The following FGF14 variants were observed in gnomAD, a reference collection of about 807,000 sequenced individuals.
FGF14 encodes fibroblast growth factor 14, also known as fibroblast growth factor homologous factor 4.
FGF14 carries 5 observed loss-of-function variants against 25.5 expected under a neutral mutation model. The ratio of observed to expected loss-of-function variants is 0.20; its 90% confidence interval spans 0.10 to 0.41. FGF14 has a LOEUF of 0.41. FGF14 is among the 10% of genes least tolerant of loss of function. FGF14 has a pLI of 1.00. For synonymous variants in FGF14, 138 were observed against 118.3 expected (o/e 1.17, Z -1.08); for missense variants, 222 against 320.1 (o/e 0.69, Z 2.34).
chr13:102,095,251 G>C (rs74108978), intron 1 of FGF14, among the ~76,000 whole-genome samples: 1 of 152,162 alleles, frequency 6.6e-6, no homozygotes, highest in East Asian at 1.9e-4. Context: ...AATGGATCTT[G>C]GAAAAATTCA....
At chr13:101,865,522 A>C (rs2044657722) in intron 3 of FGF14, among the ~76,000 whole-genome samples, 1 of 152,100 alleles carries the variant, frequency 6.6e-6, no homozygotes, top group Admixed American at 6.6e-5. Context: ...AGGACCACAA[A>C]AGAAATAACT....
chr13:102,338,607 C>G lies in FGF14; in HGVS notation c.208+62864G>C, dbSNP rs538447864. Among the ~76,000 whole-genome samples the G allele has an allele frequency of 3.9e-4, 59 of 152,102 alleles. 2 individuals are homozygous for G. The East Asian group carries it at 0.01, about 26-fold the overall frequency. ...TTAAAATAGAGAATAAAATAGGAAA[C>G]AAAAGTGAGAAACAAAACTGAAAAA... On this transcript the variant is annotated intron_variant, in intron 1 of 4. Coordinates refer to the FGF14 transcript ENST00000376131.
intron 3 of FGF14, among the ~76,000 whole-genome samples, chr13:101,788,899 TATATATATATAG>T (rs1311446378): frequency 0.037 from 1,746 of 47,114 alleles, 7 homozygotes; most frequent in Non-Finnish European, 0.057. Flanking sequence ...TATATATATA[TATATATATATAG>T]AGAGAGAGAG....
intron 1 of FGF14, among the ~76,000 whole-genome samples, chr13:102,011,783 G>A (rs752760976): frequency 6.6e-6 from 1 of 152,154 alleles, no homozygotes; most frequent in Non-Finnish European, 1.5e-5. Context: ...AGTGTTCTCT[G>A]CAACAATGTG....
intron 3 of FGF14, among the ~76,000 whole-genome samples, chr13:101,747,743 A>T (rs2036981483): frequency 6.6e-6 from 1 of 152,096 alleles, no homozygotes; most frequent in Non-Finnish European, 1.5e-5. Flanking sequence ...AAAGATTAAC[A>T]TGCAGAATCT....
chr13:102,351,169 T>C lies in FGF14; in HGVS notation c.208+50302A>G, dbSNP rs112590740. 6.6e-3 allele frequency among the ~76,000 whole-genome samples: 1,009 copies of C among 152,280 alleles called. 10 individuals carry two copies. The highest frequency in any genetic ancestry group is 0.023 in the African/African-American group (969 of 41,538). On this transcript the variant is annotated intron_variant, in intron 1 of 4. Coordinates refer to the FGF14 transcript ENST00000376131. ...CTTCCTCCTTCTGAATCTCTCATTA[T>C]ATTTCTTTCCTATGTGAATCAAAAA...
intron 1 of FGF14, among the ~76,000 whole-genome samples, chr13:101,914,919 T>C (rs952536111): frequency 6.6e-5 from 10 of 152,186 alleles, no homozygotes; most frequent in Non-Finnish European, 1.5e-5. Flanking sequence ...TGATCCTCCG[T>C]CTATCAACGG....
intron 1 of FGF14, among the ~76,000 whole-genome samples, chr13:102,129,549 G>T (rs560377486): frequency 6.6e-6 from 1 of 152,232 alleles, no homozygotes; most frequent in African/African-American, 2.4e-5. Context: ...TATATTACAT[G>T]AGTATTTCCC....
chr13:102,188,292 A>G (rs1309107747), intron 1 of FGF14, among the ~76,000 whole-genome samples: 2 of 152,198 alleles, frequency 1.3e-5, no homozygotes, highest in African/African-American at 2.4e-5. Flanking sequence ...GAAAAAAACA[A>G]TTTCAACAGA....
chr13:101,869,087 C>T (rs549873296), intron 2 of FGF14, among the ~76,000 whole-genome samples: 2 of 152,166 alleles, frequency 1.3e-5, no homozygotes, highest in Non-Finnish European at 2.9e-5. Context: ...TAAACAGAAC[C>T]AAGCCTGTAA....
At chr13:102,278,574 C>T (rs1208918970) in intron 1 of FGF14, among the ~76,000 whole-genome samples, 4 of 151,686 alleles carry the variant, frequency 2.6e-5, no homozygotes, top group Non-Finnish European at 5.9e-5. Context: ...AGATGTGTGA[C>T]CCCAAAATGC....
At chr13:102,189,198 T>C (rs137925435) in intron 1 of FGF14, among the ~76,000 whole-genome samples, 96 of 152,078 alleles carry the variant, frequency 6.3e-4, no homozygotes, top group South Asian at 2.3e-3. Context: ...GACTAGATCA[T>C]AGAAGAAAAG....
chr13:101,859,985 C>G (rs1279663209), intron 3 of FGF14, among the ~76,000 whole-genome samples: 1 of 152,008 alleles, frequency 6.6e-6, no homozygotes, highest in Non-Finnish European at 1.5e-5. Context: ...GCAACCACCT[C>G]TGAAACAATC....
chr13:101,759,678 G>A (rs2037883564), intron 3 of FGF14, among the ~76,000 whole-genome samples: 2 of 151,986 alleles, frequency 1.3e-5, no homozygotes, highest in African/African-American at 2.4e-5. Context: ...TTAATCTTTT[G>A]GGCTTCAGTT....
intron 1 of FGF14, among the ~76,000 whole-genome samples, chr13:102,222,691 C>T (rs1188371719): frequency 6.6e-6 from 1 of 152,170 alleles, no homozygotes; most frequent in Non-Finnish European, 1.5e-5. Context: ...GGTCAGCAAT[C>T]CTGTCTCACT....
rs2039900359 is a variant in FGF14 at position 101,787,370 on chromosome 13, GCT to G, written c.409-60562_409-60561del. Among the ~76,000 whole-genome samples the G allele has an allele frequency of 1.3e-5, 2 of 152,226 alleles. 1 individual carries two copies. The highest frequency in any genetic ancestry group is 6.8e-3 in the Middle Eastern group (2 of 294). ...TGTCATATGAATGAATGGATGAACC[GCT>G]GTTTTATCCTTTAAAACCAGCTAGT... On this transcript the variant is annotated intron_variant, in intron 3 of 4. Coordinates refer to ENST00000376143, the MANE Select transcript of FGF14 (RefSeq NM_004115.4).
intron 1 of FGF14, among the ~76,000 whole-genome samples, chr13:102,109,672 G>A (rs1484089490): frequency 6.6e-6 from 1 of 152,092 alleles, no homozygotes; most frequent in Non-Finnish European, 1.5e-5. Flanking sequence ...CTAGGCTGGA[G>A]AGCAGTGGCG....
intron 1 of FGF14, among the ~76,000 whole-genome samples, chr13:102,128,478 A>C (rs898314593): frequency 1.3e-5 from 2 of 152,220 alleles, no homozygotes; most frequent in African/African-American, 4.8e-5. Context: ...CTCTGAACCC[A>C]CATTCTATTG....
At chr13:102,259,697 G>A (rs546245065) in intron 1 of FGF14, among the ~76,000 whole-genome samples, 33 of 152,150 alleles carry the variant, frequency 2.2e-4, no homozygotes, top group Non-Finnish European at 4.1e-4. Flanking sequence ...GTCTAGGTTC[G>A]CCACATATGT....
Sources: gnomAD v4.1 joint callset for allele counts (sites outside exome capture counted in the v4.1 genomes callset) on GRCh38, gnomAD v4.1.1 for gene constraint, MANE v1.5 for transcripts, NCBI Gene and HGNC (gene_info 2026-07-23, HGNC 2026-07-21) for gene names.